CAST: variants seen among roughly 807,000 people sequenced by gnomAD.
The protein encoded by CAST is MIR583 host.
A neutral mutation model predicts 119.6 loss-of-function variants in CAST; 76 were observed. The ratio of observed to expected loss-of-function variants is 0.64; its 90% CI spans 0.53 to 0.77. The LOEUF is 0.77. Among genes scored for constraint, CAST ranks in the 30% least tolerant of loss-of-function variants. CAST has a pLI of 0.00. For synonymous variants in CAST, 319 were observed against 331.6 expected (o/e 0.96, Z 0.41); for missense variants, 953 against 946.5 (o/e 1.01, Z -0.09).
At chr5:95,975,971 T>C in the CAST span, among the ~76,000 whole-genome samples, 1 of 152,140 alleles carries the variant, frequency 6.6e-6, no homozygotes, top group Non-Finnish European at 1.5e-5. Flanking sequence ...GGAGGCAAGA[T>C]AGAAATTGTT....
chr5:96,213,696 TG>T, the CAST span: 1 of 152,104 alleles, frequency 6.6e-6, no homozygotes, highest in Non-Finnish European at 1.5e-5. Context: ...GTGGCCAACG[TG>T]GGGGAATCTC....
chr5:96,117,355 A>T, the CAST span, among the ~76,000 whole-genome samples: 1 of 152,180 alleles, frequency 6.6e-6, no homozygotes, highest in African/African-American at 2.4e-5. Context: ...CTTCTTGGTG[A>T]TGTACCACAT....
At chr5:96,408,458 C>T in the CAST span, 2 of 699,850 alleles carry the variant, frequency 2.9e-6, no homozygotes, top group African/African-American at 1.7e-5. Flanking sequence ...CTACTTTCTC[C>T]TCTAAACCAC....
chr5:96,524,130 T>C (rs1172697300), upstream of CAST, among the ~76,000 whole-genome samples: 1 of 152,176 alleles, frequency 6.6e-6, no homozygotes, highest in Non-Finnish European at 1.5e-5. Flanking sequence ...CACAGACAAA[T>C]GTGTGACAGG....
At chr5:96,662,888 G>A in intron 1 of CAST, 1 of 572,032 alleles carries the variant, frequency 1.7e-6, no homozygotes, top group Non-Finnish European at 3.1e-6. Flanking sequence ...CGCAGGGCGT[G>A]GCTGCCTGGA....
the CAST span, among the ~76,000 whole-genome samples, chr5:96,297,548 C>G: frequency 6.6e-6 from 1 of 152,150 alleles, no homozygotes; most frequent in South Asian, 2.1e-4. Context: ...ATTTTTGCAG[C>G]AACTCTATCA....
the CAST span, among the ~76,000 whole-genome samples, chr5:96,219,769 GAAGGAAGA>G: frequency 7.2e-6 from 1 of 138,326 alleles, no homozygotes; most frequent in African/African-American, 3.5e-5. Context: ...AGGAAGGAAG[GAAGGAAGA>G]AAGGAAGGAA....
At chr5:96,619,642 C>A (rs1242687085) in intron 1 of CAST, among the ~76,000 whole-genome samples, 1 of 152,206 alleles carries the variant, frequency 6.6e-6, no homozygotes, top group African/African-American at 2.4e-5. Context: ...TCTACAGCTT[C>A]ACTCCTGAAG....
At chr5:96,662,222 GGGCA>G, upstream of CAST, 1 of 545,828 alleles carries the variant, frequency 1.8e-6, no homozygotes, top group Non-Finnish European at 2.9e-6. Context: ...GTCCCTCCGC[GGGCA>G]GGAAGGGGAG....
the CAST span, among the ~76,000 whole-genome samples, chr5:96,272,224 TAG>T: frequency 6.6e-6 from 1 of 152,130 alleles, no homozygotes; most frequent in Non-Finnish European, 1.5e-5. Flanking sequence ...AAACTAAAAA[TAG>T]AACTCCCATA....
the CAST span, among the ~76,000 whole-genome samples, chr5:96,212,646 C>T: frequency 6.6e-6 from 1 of 152,068 alleles, no homozygotes; most frequent in Non-Finnish European, 1.5e-5. Context: ...GATTTTCTGC[C>T]TAGTTATTAT....
intron 1 of CAST, among the ~76,000 whole-genome samples, chr5:96,647,281 T>C (rs568314900): frequency 1.4e-4 from 21 of 152,194 alleles, no homozygotes; most frequent in African/African-American, 4.8e-4. Context: ...AAGGCATTGG[T>C]TGTACAAGAT....
the CAST span, among the ~76,000 whole-genome samples, chr5:96,067,292 T>C: frequency 6.6e-6 from 1 of 152,228 alleles, no homozygotes; most frequent in East Asian, 1.9e-4. Flanking sequence ...TGGGGCCAAT[T>C]TTATAGGTGT....
the CAST span, among the ~76,000 whole-genome samples, chr5:95,995,316 G>A: frequency 6.6e-6 from 1 of 152,134 alleles, no homozygotes; most frequent in African/African-American, 2.4e-5. Flanking sequence ...TCCTGACAGA[G>A]AAGAAATAGC....
At chr5:96,118,649 T>A in the CAST span, among the ~76,000 whole-genome samples, 1 of 150,008 alleles carries the variant, frequency 6.7e-6, no homozygotes, top group Non-Finnish European at 1.5e-5. Context: ...TTTTTTTTGG[T>A]CCATTGTGTT....
At chr5:95,985,588 C>G in the CAST span, among the ~76,000 whole-genome samples, 130 of 152,298 alleles carry the variant, frequency 8.5e-4, no homozygotes, top group African/African-American at 2.9e-3. Context: ...TAGCTGGCCC[C>G]TGATGGAAAA....
chr5:96,430,797 A>T, the CAST span, among the ~76,000 whole-genome samples: 1 of 152,206 alleles, frequency 6.6e-6, no homozygotes, highest in East Asian at 1.9e-4. Context: ...ATTGTAAATC[A>T]TATATAAATA....
At chr5:96,191,192 AT>A in the CAST span, among the ~76,000 whole-genome samples, 38 of 152,320 alleles carry the variant, frequency 2.5e-4, no homozygotes, top group South Asian at 1.2e-3. Context: ...AAAGGAAATT[AT>A]TCTTGGAAAA....
the CAST span, among the ~76,000 whole-genome samples, chr5:96,509,659 A>G: frequency 1.3e-5 from 2 of 152,204 alleles, no homozygotes; most frequent in Non-Finnish European, 2.9e-5. Context: ...TTTAATCACA[A>G]CTTTTAGGAA....
Sources: gnomAD v4.1 joint callset for allele counts (sites outside exome capture counted in the v4.1 genomes callset) on GRCh38, gnomAD v4.1.1 for gene constraint, MANE v1.5 for transcripts, NCBI Gene and HGNC (gene_info 2026-07-23, HGNC 2026-07-21) for gene names.